CRIM1: variants seen among roughly 807,000 people sequenced by gnomAD.
The protein encoded by CRIM1 is cysteine-rich motor neuron 1 protein.
CRIM1 carries 32 observed loss-of-function variants against 116.4 expected under a neutral mutation model. The observed-to-expected ratio is 0.27, with a 90% CI of 0.21 to 0.37. The LOEUF (loss-of-function observed/expected upper bound fraction) is 0.37, where lower values mean the gene tolerates loss of function less well. CRIM1 is among the 10% of genes least tolerant of loss of function. The probability of loss-of-function intolerance (pLI) is 1.00; values close to 1 mark genes in which losing one functional copy is unlikely to be tolerated. For synonymous variants in CRIM1, 590 were observed against 509.2 expected (o/e 1.16, Z -2.13); for missense variants, 1,331 against 1,354.8 (o/e 0.98, Z 0.28).
At position 36,442,599 on chromosome 2, in the gene CRIM1, T is replaced by C. The variant is rs1284517105; in HGVS notation, c.749-16T>C. The stretch of plus-strand genomic sequence containing the variant: ...AATATAACAATAAACGGTGCCTCTC[T>C]GTTTGCCCCTTTCAGTTTTCGGCGT... On this transcript the variant is annotated splice_polypyrimidine_tract_variant and intron_variant, in intron 3 of 16. Transcript: ENST00000280527. 1 of 1,614,148 alleles carries C rather than the reference T, an allele frequency of 6.2e-7. No homozygotes were observed. The highest frequency in any genetic ancestry group is 2.2e-5 in the East Asian group (1 of 44,884).
At chr2:36,525,863 G>C (rs1402635209) in intron 13 of CRIM1, among the ~76,000 whole-genome samples, 1 of 152,080 alleles carries the variant, frequency 6.6e-6, no homozygotes, top group African/African-American at 2.4e-5. Context: ...CCTACTGTAA[G>C]AAAAATGAAA....
At chr2:36,522,070 A>G in intron 12 of CRIM1, 22 bp from the exon 13 acceptor site, 1 of 1,605,080 alleles carries the variant, frequency 6.2e-7, no homozygotes, top group Non-Finnish European at 8.5e-7. Context: ...TTCTTTGCTG[A>G]CCTATATGTT....
chr2:36,424,418 G>C (rs4670146), intron 2 of CRIM1, among the ~76,000 whole-genome samples: 44,136 of 152,000 alleles, frequency 0.29, 6,603 homozygotes, highest in South Asian at 0.41. Context: ...GTAAATGTTG[G>C]GTGGTAGGTG....
chr2:36,473,128 G>A (rs1678667387), intron 5 of CRIM1, among the ~76,000 whole-genome samples: 1 of 152,152 alleles, frequency 6.6e-6, no homozygotes. Context: ...TCTTAGCGGG[G>A]TTGTTATAAA....
rs1319517077 is a variant in CRIM1 at position 36,550,428 on chromosome 2, T to G, written c.*1727T>G. On this transcript the variant is annotated 3_prime_UTR_variant, in exon 17 of 17. Transcript: ENST00000280527. The stretch of plus-strand genomic sequence containing the variant: ...TTGAGTTTTCTTTTAAAAATGCTTG[T>G]TGTGAAAGACACAGATACCCAGTAT... 1.3e-5 allele frequency: 2 copies of G among 152,270 alleles called. No individual in the cohort carries two copies. The highest frequency in any genetic ancestry group is 4.9e-5 in the African/African-American group (2 of 41,152). The allele number at this position is 152,270 out of a possible 1,614,324, so 9.4% of individuals were successfully genotyped here.
At chr2:36,357,739 C>CCTCGG (rs1558493990) in intron 1 of CRIM1, among the ~76,000 whole-genome samples, 1 of 152,268 alleles carries the variant, frequency 6.6e-6, no homozygotes, top group East Asian at 1.9e-4. Flanking sequence ...CACGCAGCAG[C>CCTCGG]CTCGTTTCTG....
chr2:36,361,822 C>T (rs1424199100), intron 1 of CRIM1, among the ~76,000 whole-genome samples: 2 of 152,020 alleles, frequency 1.3e-5, no homozygotes, highest in African/African-American at 4.8e-5. Context: ...CCGTATGGCA[C>T]GTTTGGTATC....
intron 13 of CRIM1, among the ~76,000 whole-genome samples, chr2:36,534,735 A>C (rs1328011502): frequency 6.6e-6 from 1 of 151,602 alleles, no homozygotes; most frequent in Non-Finnish European, 1.5e-5. Flanking sequence ...GGAAGATGGA[A>C]GGAAGGAAGG....
At chr2:36,441,831 C>G (rs142538385) in intron 3 of CRIM1, among the ~76,000 whole-genome samples, 54 of 152,270 alleles carry the variant, frequency 3.5e-4, no homozygotes, top group African/African-American at 9.6e-4. Context: ...CAGAGAAGGT[C>G]AGAGACCTTA....
intron 7 of CRIM1, among the ~76,000 whole-genome samples, chr2:36,483,134 A>C (rs1679545796): frequency 6.6e-6 from 1 of 152,042 alleles, no homozygotes; most frequent in South Asian, 2.1e-4. Flanking sequence ...TTATATTCTC[A>C]CATTTTGCTT....
intron 1 of CRIM1, among the ~76,000 whole-genome samples, chr2:36,359,621 G>C (rs1052990193): frequency 1.3e-5 from 2 of 152,152 alleles, no homozygotes; most frequent in Non-Finnish European, 2.9e-5. Context: ...AATATTTTCT[G>C]AATGATTAAA....
In CRIM1 at chr2:36,465,428, C is replaced by T. The variant is rs79509370; in HGVS notation, c.991+773C>T. On this transcript the variant is annotated intron_variant, in intron 5 of 16. Coordinates refer to ENST00000280527, the MANE Select transcript of CRIM1 (RefSeq NM_016441.3). ...ATAACCATTCAGAGCATTATTTAGT[C>T]AATACTTGTATACACAGGAAGATGG... 4.1e-3 allele frequency among the ~76,000 whole-genome samples: 629 copies of T among 152,282 alleles called. 4 individuals are homozygous for T. The highest frequency in any genetic ancestry group is 6.1e-3 in the Non-Finnish European group (415 of 67,996).
chr2:36,420,129 CTCTT>C (rs781385263), intron 2 of CRIM1, among the ~76,000 whole-genome samples: 3 of 152,156 alleles, frequency 2.0e-5, no homozygotes, highest in Non-Finnish European at 2.9e-5. Flanking sequence ...CTGATATCTT[CTCTT>C]TGATAACCAT....
At chr2:36,431,989 C>T (rs1674932369) in intron 2 of CRIM1, among the ~76,000 whole-genome samples, 4 of 152,220 alleles carry the variant, frequency 2.6e-5, no homozygotes, top group African/African-American at 2.4e-5. Context: ...TGGATGCCAC[C>T]TTCCGGTAAA....
At chr2:36,419,058 A>G (rs182788006) in intron 2 of CRIM1, among the ~76,000 whole-genome samples, 172 of 152,260 alleles carry the variant, frequency 1.1e-3, no homozygotes, top group Non-Finnish European at 2.0e-3. Context: ...CCCTGTAATA[A>G]ATATAAGTGG....
chr2:36,360,962 G>A (rs1359857008), intron 1 of CRIM1, among the ~76,000 whole-genome samples: 1 of 152,060 alleles, frequency 6.6e-6, no homozygotes, highest in African/African-American at 2.4e-5. Context: ...CAAGCAGAGG[G>A]CCTATAACAT....
chr2:36,432,276 A>G (rs1184397140), intron 2 of CRIM1, among the ~76,000 whole-genome samples: 2 of 152,148 alleles, frequency 1.3e-5, no homozygotes, highest in African/African-American at 4.8e-5. Flanking sequence ...AGTTCTTTGT[A>G]CATTTATCTA....
At chr2:36,401,818 G>T (rs558671613) in intron 2 of CRIM1, among the ~76,000 whole-genome samples, 1 of 152,308 alleles carries the variant, frequency 6.6e-6, no homozygotes, top group South Asian at 2.1e-4. Context: ...TCATTCATCT[G>T]TTTATTTCAT....
intron 2 of CRIM1, among the ~76,000 whole-genome samples, chr2:36,405,532 T>A (rs1672719384): frequency 6.6e-6 from 1 of 152,168 alleles, no homozygotes; most frequent in South Asian, 2.1e-4. Flanking sequence ...TAACTAGGAC[T>A]AGACTAGGGC....
Sources: allele counts gnomAD v4.1 joint callset (sites outside exome capture counted in the v4.1 genomes callset), GRCh38; gene constraint gnomAD v4.1.1; transcripts MANE v1.5; gene names NCBI Gene and HGNC (gene_info 2026-07-23, HGNC 2026-07-21).